MAGI1: variants seen among roughly 807,000 people sequenced by gnomAD.
MAGI1 encodes the protein membrane associated guanylate kinase, WW and PDZ domain containing 1, also known as membrane-associated guanylate kinase, WW and PDZ domain-containing protein 1.
In MAGI1, 58 loss-of-function variants were observed where a neutral mutation model predicts 139.9. The ratio of observed to expected loss-of-function variants is 0.41; its 90% confidence interval spans 0.34 to 0.52. The LOEUF (loss-of-function observed/expected upper bound fraction) is 0.52. Among genes scored for constraint, MAGI1 ranks in the 20% least tolerant of loss-of-function variants. MAGI1 has a pLI of 0.12. For missense variants in MAGI1, 1,874 were observed against 1,901.6 expected (o/e 0.99, Z 0.27); for synonymous variants, 812 against 737.9 (o/e 1.10, Z -1.63).
chr3:65,424,066 C>A (rs1037902757), intron 12 of MAGI1, among the ~76,000 whole-genome samples: 15 of 152,132 alleles, frequency 9.9e-5, no homozygotes, highest in Admixed American at 9.8e-4. Context: ...AATGTGGTTG[C>A]AACAATGAAG....
At chr3:65,375,635 C>T in intron 18 of MAGI1, 110 bp downstream of exon 18, 1 of 926,996 alleles carries the variant, frequency 1.1e-6, no homozygotes, top group Non-Finnish European at 1.7e-6. Context: ...TAAATTAATA[C>T]TATTCAGTTA....
intron 13 of MAGI1, among the ~76,000 whole-genome samples, chr3:65,394,896 T>A (rs894924451): frequency 6.6e-6 from 1 of 152,188 alleles, no homozygotes; most frequent in East Asian, 1.9e-4. Flanking sequence ...AGGAGCAGAT[T>A]TGCATTTAAT....
chr3:65,414,076 T>C (rs572045421), intron 12 of MAGI1, among the ~76,000 whole-genome samples: 2 of 152,312 alleles, frequency 1.3e-5, no homozygotes, highest in South Asian at 2.1e-4. Context: ...TTTCCTACTG[T>C]TTATTTATTT....
At chr3:65,682,792 A>T (rs1213659353) in intron 1 of MAGI1, among the ~76,000 whole-genome samples, 4 of 152,172 alleles carry the variant, frequency 2.6e-5, no homozygotes, top group East Asian at 1.9e-4. Flanking sequence ...AAGAGAATGA[A>T]AAAGAACAGT....
At chr3:65,922,653 A>C (rs889165128) in intron 1 of MAGI1, among the ~76,000 whole-genome samples, 1 of 152,174 alleles carries the variant, frequency 6.6e-6, no homozygotes, top group Non-Finnish European at 1.5e-5. Flanking sequence ...GTTTTAAGTC[A>C]CCCAGTTTGT....
In MAGI1 at chr3:65,354,262, T is replaced by G. The variant is rs2106665324; in HGVS notation, c.*2116A>C. On this transcript the variant is annotated 3_prime_UTR_variant, in exon 23 of 23. Transcript: ENST00000402939. ...TCAATGTATGCTTTGTATGGAAAACTTTAATAATAAAAATAGCATTCACAG... is the reference window on the plus strand; with the variant it reads ...TCAATGTATGCTTTGTATGGAAAACGTTAATAATAAAAATAGCATTCACAG... 1 of 152,746 alleles carries G rather than the reference T, an allele frequency of 6.5e-6. No individual in the cohort carries two copies. Among genetic ancestry groups the G allele is most frequent in the South Asian group, 2.1e-4 (1 of 4,830 alleles). 9.5% of individuals were successfully genotyped at this position (152,746 alleles called of 1,614,324 possible).
chr3:65,606,728 G>A (rs192202511), intron 2 of MAGI1, among the ~76,000 whole-genome samples: 70 of 152,284 alleles, frequency 4.6e-4, no homozygotes, highest in Admixed American at 8.5e-4. Flanking sequence ...ATGTTGGCTA[G>A]GCAGGTCTCG....
rs377709368 is a variant in MAGI1, at chr3:65,914,846, T to C, written c.313+123150A>G. On this transcript the variant is annotated intron_variant, in intron 1 of 22. Coordinates refer to ENST00000402939, the MANE Select transcript of MAGI1 (RefSeq NM_001033057.2). ...CAATTGCTTAGAGTAACCTGCTGCATGACCTCGGGTAAGATATGTTACTTT... is the reference window on the plus strand; with the variant it reads ...CAATTGCTTAGAGTAACCTGCTGCACGACCTCGGGTAAGATATGTTACTTT... Among the ~76,000 whole-genome samples the C allele has an allele frequency of 2.1e-4, 32 of 152,324 alleles. No homozygotes were observed. In the South Asian group the frequency reaches 3.1e-3, roughly 15 times the overall value.
intron 1 of MAGI1, among the ~76,000 whole-genome samples, chr3:65,787,221 T>C (rs2039456018): frequency 6.6e-6 from 1 of 152,020 alleles, no homozygotes; most frequent in Non-Finnish European, 1.5e-5. Flanking sequence ...GGTTTTTCAT[T>C]TGGGATGTGA....
intron 1 of MAGI1, among the ~76,000 whole-genome samples, chr3:65,987,158 G>A (rs546266659): frequency 9.2e-5 from 14 of 152,276 alleles, no homozygotes; most frequent in African/African-American, 2.4e-4. Flanking sequence ...GTGAGCTACC[G>A]CGCCTGGCCT....
chr3:65,368,623 T>C (rs1288619538), intron 18 of MAGI1, among the ~76,000 whole-genome samples: 3 of 152,356 alleles, frequency 2.0e-5, no homozygotes, highest in African/African-American at 7.2e-5. Context: ...CAATTATTCC[T>C]GTTGTAAATA....
At chr3:65,661,180 C>A (rs970643383) in intron 1 of MAGI1, among the ~76,000 whole-genome samples, 1 of 152,082 alleles carries the variant, frequency 6.6e-6, no homozygotes, top group Non-Finnish European at 1.5e-5. Flanking sequence ...GAGTATATGT[C>A]CCCTGGGGGT....
At chr3:65,733,107 T>C (rs1403243624) in intron 1 of MAGI1, among the ~76,000 whole-genome samples, 1 of 152,060 alleles carries the variant, frequency 6.6e-6, no homozygotes. Context: ...TGGAGTGCAA[T>C]GAGTGCAATG....
intron 1 of MAGI1, among the ~76,000 whole-genome samples, chr3:65,969,703 C>T (rs1322473863): frequency 6.6e-6 from 1 of 152,180 alleles, no homozygotes. Flanking sequence ...CTGTCCAACA[C>T]AACTTTCTGC....
intron 1 of MAGI1, among the ~76,000 whole-genome samples, chr3:65,637,733 G>A (rs867978805): frequency 6.6e-6 from 1 of 152,082 alleles, no homozygotes; most frequent in African/African-American, 2.4e-5. Flanking sequence ...AAGGCAGCAC[G>A]GTTTAGGGCT....
In MAGI1 at chr3:65,835,459, G is replaced by C. The variant is rs183736045; in HGVS notation, c.313+202537C>G. 1.4e-3 allele frequency among the ~76,000 whole-genome samples: 211 copies of C among 152,308 alleles called. 2 individuals are homozygous for C. The highest frequency in any genetic ancestry group is 5.0e-3 in the African/African-American group (209 of 41,580). On this transcript the variant is annotated intron_variant, in intron 1 of 22. Coordinates refer to ENST00000402939, the MANE Select transcript of MAGI1 (RefSeq NM_001033057.2). ...AGTTAACTTGTATCAAGCAAGTAGA[G>C]AAAATATTCACTTTCAACCCAAAGC...
chr3:65,482,979 C>T (rs758770493), intron 3 of MAGI1, among the ~76,000 whole-genome samples: 1 of 152,228 alleles, frequency 6.6e-6, no homozygotes, highest in South Asian at 2.1e-4. Context: ...TTTTGCCTGA[C>T]CCTTGACAGA....
intron 5 of MAGI1, among the ~76,000 whole-genome samples, chr3:65,460,891 T>C (rs1949735437): frequency 6.6e-6 from 1 of 152,208 alleles, no homozygotes; most frequent in Admixed American, 6.5e-5. Context: ...TTCTTTCTTA[T>C]GGCTGCATAG....
intron 2 of MAGI1, among the ~76,000 whole-genome samples, chr3:65,599,169 C>T (rs754215778): frequency 6.6e-6 from 1 of 152,020 alleles, no homozygotes; most frequent in Non-Finnish European, 1.5e-5. Flanking sequence ...ATACCTCTTT[C>T]TGGGGTATGT....
Sources: gnomAD v4.1 joint callset for allele counts (sites outside exome capture counted in the v4.1 genomes callset) on GRCh38, gnomAD v4.1.1 for gene constraint, MANE v1.5 for transcripts, NCBI Gene and HGNC (gene_info 2026-07-23, HGNC 2026-07-21) for gene names.